Variants in TANK observed in about 807,000 individuals in gnomAD.
TANK encodes TRAF family member-associated NF-kappa-B activator.
Under a neutral mutation model 43.6 loss-of-function variants are expected in TANK, and 15 were observed. The ratio of observed to expected loss-of-function variants is 0.34; its 90% CI spans 0.23 to 0.53. The LOEUF is 0.53. TANK is among the 20% of genes least tolerant of loss of function. TANK has a pLI of 0.94. For synonymous variants in TANK, 162 were observed against 178.2 expected, an observed-to-expected ratio of 0.91 and a Z score of 0.73; for missense variants, 417 against 498.6, an observed-to-expected ratio of 0.84 and a Z score of 1.56.
chr2:161,172,161 A>C (rs1684968535), intron 1 of TANK, among the ~76,000 whole-genome samples: 1 of 152,186 alleles, frequency 6.6e-6, no homozygotes, highest in African/African-American at 2.4e-5. Context: ...TAACAGACAC[A>C]AAATGTCATA....
In TANK at chr2:161,236,126, A is replaced by G. The variant is rs1688159909; in HGVS notation, c.*608A>G. On this transcript the variant is annotated 3_prime_UTR_variant, in exon 8 of 8. Coordinates refer to ENST00000392749, the MANE Select transcript of TANK (RefSeq NM_001199135.3). Reference sequence around the variant, plus strand: ...AATAATATACATGGCTTTAATTTTTACTGTGTGTATAGCTACATGATGAAA... The same window carrying G: ...AATAATATACATGGCTTTAATTTTTGCTGTGTGTATAGCTACATGATGAAA... 2.0e-5 allele frequency: 3 copies of G among 151,278 alleles called. No homozygotes were observed. Among genetic ancestry groups the G allele is most frequent in the Non-Finnish European group, 4.4e-5 (3 of 67,904 alleles). 9.4% of individuals were successfully genotyped at this position (151,278 alleles called of 1,614,324 possible).
rs920365242 is a variant in TANK, at chr2:161,142,344, A to G, written c.-50+5281A>G. Among the ~76,000 whole-genome samples, 36 of 152,040 alleles carry G rather than the reference A, an allele frequency of 2.4e-4. 1 individual carries two copies. Among genetic ancestry groups the G allele is most frequent in the Admixed American group, 2.4e-3 (36 of 15,274 alleles). ...TAGTTTAATTAGATCTGATTTGTCA[A>G]TTTTGGCTTTTGTTGCATTGCTTTT... On this transcript the variant is annotated intron_variant, in intron 1 of 7. Transcript: ENST00000259075.
chr2:161,195,564 C>T (rs1686106951), intron 2 of TANK, among the ~76,000 whole-genome samples: 1 of 152,010 alleles, frequency 6.6e-6, no homozygotes, highest in Non-Finnish European at 1.5e-5. Context: ...TTAGTAGGGA[C>T]TTGGAGACCA....
At chr2:161,161,170 T>C in intron 1 of TANK, 1 of 1,459,144 alleles carries the variant, frequency 6.9e-7, no homozygotes, top group South Asian at 1.4e-5. Context: ...TGTGCTTTTC[T>C]AGAAGTAGAA....
chr2:161,235,274 C>A, intron 7 of TANK, 68 bp from the exon 8 acceptor site: 1 of 1,383,960 alleles, frequency 7.2e-7, no homozygotes, highest in South Asian at 1.5e-5. Context: ...TTCAGAAATT[C>A]AAATTTGAAG....
chr2:161,224,190 T>A (rs1339768148), intron 5 of TANK, among the ~76,000 whole-genome samples, 199 bp downstream of exon 5: 2 of 152,022 alleles, frequency 1.3e-5, no homozygotes, highest in East Asian at 3.9e-4. Flanking sequence ...ATCTAAAACT[T>A]GAATTCTGTA....
At chr2:161,183,274 A>G (rs1685511858) in intron 2 of TANK, among the ~76,000 whole-genome samples, 1 of 152,212 alleles carries the variant, frequency 6.6e-6, no homozygotes, top group South Asian at 2.1e-4. Flanking sequence ...GTAAGTCTTC[A>G]TTAGGGGTGG....
In TANK at chr2:161,176,453, G is replaced by A. The variant is rs79148535; in HGVS notation, c.-49-3161G>A. ...TTATTTCAGGAAATAGGATGCATCC[G>A]TGTGGAATTTACTCAGTAGCTCCTC... is the stretch of plus-strand genomic sequence containing the variant. On this transcript the variant is annotated intron_variant, in intron 1 of 7. Transcript: ENST00000392749. Among the ~76,000 whole-genome samples, 120 of 152,200 alleles carry A rather than the reference G, an allele frequency of 7.9e-4. 2 individuals are homozygous for A. In the East Asian group the frequency reaches 0.02, roughly 26 times the overall value.
At chr2:161,222,864 GA>G (rs990022550) in intron 4 of TANK, 1 of 151,864 alleles carries the variant, frequency 6.6e-6, no homozygotes, top group South Asian at 2.1e-4. Context: ...TATTTATTTA[GA>G]AAAAACTGGG....
chr2:161,193,855 T>C (rs772662356), intron 2 of TANK, among the ~76,000 whole-genome samples: 2 of 152,172 alleles, frequency 1.3e-5, no homozygotes, highest in Non-Finnish European at 2.9e-5. Context: ...ATATATCCTC[T>C]AGCTGGGTGA....
intron 2 of TANK, among the ~76,000 whole-genome samples, chr2:161,187,391 T>C (rs944926511): frequency 6.6e-6 from 1 of 152,078 alleles, no homozygotes; most frequent in Non-Finnish European, 1.5e-5. Context: ...TTTGCACCAC[T>C]GCACTCCAGC....
At chr2:161,219,791 T>C (rs1431984118) in intron 4 of TANK, 1 of 450,438 alleles carries the variant, frequency 2.2e-6, no homozygotes, top group East Asian at 7.3e-5. Context: ...TAAGGAAATA[T>C]TCAACCTCAG....
At chr2:161,217,592 T>A (rs1687173951) in intron 4 of TANK, among the ~76,000 whole-genome samples, 1 of 148,620 alleles carries the variant, frequency 6.7e-6, no homozygotes, top group African/African-American at 2.5e-5. Flanking sequence ...GGTTTGTGTG[T>A]GTGTGTGTGT....
intron 2 of TANK, among the ~76,000 whole-genome samples, chr2:161,190,505 C>G (rs534457538): frequency 2.8e-4 from 43 of 152,236 alleles, no homozygotes; most frequent in Non-Finnish European, 5.3e-4. Flanking sequence ...TTTGCACATT[C>G]AGGTTCAGAA....
chr2:161,205,590 A>G (rs1020038886), intron 4 of TANK, among the ~76,000 whole-genome samples: 6 of 152,174 alleles, frequency 3.9e-5, no homozygotes, highest in African/African-American at 1.4e-4. Context: ...GACATATACA[A>G]GGACGTTCAT....
intron 1 of TANK, among the ~76,000 whole-genome samples, chr2:161,154,683 C>A (rs1266701542): frequency 6.6e-6 from 1 of 151,658 alleles, no homozygotes; most frequent in Non-Finnish European, 1.5e-5. Flanking sequence ...ATATTTAAAT[C>A]TTTATTATGT....
chr2:161,196,497 G>T (rs1056361168), intron 2 of TANK, among the ~76,000 whole-genome samples: 2 of 152,090 alleles, frequency 1.3e-5, no homozygotes, highest in Non-Finnish European at 1.5e-5. Context: ...TTGTATTCAG[G>T]CAAGCCTAGA....
intron 1 of TANK, among the ~76,000 whole-genome samples, chr2:161,168,630 C>A (rs1204659025): frequency 1.3e-5 from 2 of 152,170 alleles, no homozygotes; most frequent in African/African-American, 4.8e-5. Flanking sequence ...GCTGGGAGTT[C>A]AAGACCATCC....
intron 4 of TANK, among the ~76,000 whole-genome samples, chr2:161,218,350 C>T (rs1311148374): frequency 1.3e-5 from 2 of 152,110 alleles, no homozygotes; most frequent in Non-Finnish European, 2.9e-5. Context: ...TATCTCCAAC[C>T]CTATGCTGGA....
Sources: gnomAD v4.1 joint callset for allele counts (sites outside exome capture counted in the v4.1 genomes callset) on GRCh38, gnomAD v4.1.1 for gene constraint, MANE v1.5 for transcripts, NCBI Gene and HGNC (gene_info 2026-07-23, HGNC 2026-07-21) for gene names.